Variants in IL2RB observed in about 807,000 individuals in gnomAD.
IL2RB encodes the protein interleukin 2 receptor subunit beta.
Under a neutral mutation model 44.2 loss-of-function variants are expected in IL2RB, and 17 were observed. That is an observed-to-expected ratio of 0.38 (90% CI 0.26 to 0.58). The LOEUF (loss-of-function observed/expected upper bound fraction) is 0.58. IL2RB is among the 20% of genes least tolerant of loss of function. The pLI is 0.63. For synonymous variants in IL2RB, 286 were observed against 297.9 expected, an observed-to-expected ratio of 0.96 and a Z score of 0.41; for missense variants, 624 against 685.5, an observed-to-expected ratio of 0.91 and a Z score of 1.00.
At position 37,128,695 on chromosome 22, in the gene IL2RB, G is replaced by A. The variant is rs148621370; in HGVS notation, c.1057C>T (p.His353Tyr). 1.4e-5 allele frequency: 22 copies of A among 1,614,088 alleles called. No homozygotes were observed. Among genetic ancestry groups the A allele is most frequent in the Non-Finnish European group, 1.8e-5 (21 of 1,180,018 alleles). Residue 353 changes from histidine (H) to tyrosine (Y), a missense_variant, in exon 10 of 10, where the codon CAC becomes TAC. Coordinates refer to ENST00000216223, the MANE Select transcript of IL2RB (RefSeq NM_000878.5). This position sits in a 1 kb window ranked among gnomAD's most constrained non-coding sequence, Gnocchi z 4.5. ...VPEPASLSSN[H>Y]SLTSCFTNQG... ...TTGGTGAAGCAGCTGGTCAGCGAGT[G>A]GTTGCTGCTTAAGGATGCGGGCTCA...
chr22:37,144,039 T>A (rs1922106317), intron 2 of IL2RB, 46 bp downstream of exon 2: 2 of 1,551,144 alleles, frequency 1.3e-6, no homozygotes, highest in Non-Finnish European at 1.7e-6. Flanking sequence ...GCCTTAGCCA[T>A]CTCTCCATAG....
intron 1 of IL2RB, among the ~76,000 whole-genome samples, chr22:37,172,830 C>A (rs1362868871): frequency 6.6e-6 from 1 of 152,146 alleles, no homozygotes; most frequent in Non-Finnish European, 1.5e-5. Context: ...CTCCAGCCAC[C>A]ATTGGCTGTG....
intron 2 of IL2RB, 31 bp from the exon 3 acceptor site, chr22:37,143,666 C>A: frequency 6.7e-7 from 1 of 1,500,254 alleles, no homozygotes; most frequent in Non-Finnish European, 9.3e-7. Flanking sequence ...TGAGTGCTGA[C>A]TGTAGGTGCC....
chr22:37,164,867 A>G (rs1923015229), intron 1 of IL2RB, among the ~76,000 whole-genome samples: 1 of 152,164 alleles, frequency 6.6e-6, no homozygotes, highest in Non-Finnish European at 1.5e-5. Flanking sequence ...GCCCTATTCT[A>G]AGTACACATG....
chr22:37,156,985 A>T (rs1466955192), intron 1 of IL2RB, among the ~76,000 whole-genome samples: 1 of 152,122 alleles, frequency 6.6e-6, no homozygotes, highest in Non-Finnish European at 1.5e-5. Flanking sequence ...GCTGGAAAAA[A>T]AGTCCTGCCC....
intron 3 of IL2RB, among the ~76,000 whole-genome samples, chr22:37,143,090 C>T (rs970317737): frequency 6.6e-6 from 1 of 152,180 alleles, no homozygotes; most frequent in Non-Finnish European, 1.5e-5. Flanking sequence ...CCACCAGGCA[C>T]CCAAACCACT....
rs10605445 is a variant in IL2RB at position 37,160,679 on chromosome 22, C to CAAAAAAAAAAAAAAAAAAA, written c.-34+14260_-34+14278dup. Among the ~76,000 whole-genome samples the CAAAAAAAAAAAAAAAAAAA allele has an allele frequency of 1.0e-3, 142 of 135,992 alleles. 2 individuals are homozygous for CAAAAAAAAAAAAAAAAAAA. Among genetic ancestry groups the CAAAAAAAAAAAAAAAAAAA allele is most frequent in the African/African-American group, 3.9e-3 (134 of 34,386 alleles). 89.2% of individuals were successfully genotyped at this position (135,992 alleles called of 152,430 possible). On this transcript the variant is annotated intron_variant, in intron 1 of 5. Transcript: ENST00000429622. ...CAACATGCCGAAACCCTGTCTATGC[C>CAAAAAAAAAAAAAAAAAAA]AAAAAAAAAAAAAAAAAAATTTAGC...
chr22:37,169,480 C>A (rs1923202464), intron 1 of IL2RB, among the ~76,000 whole-genome samples: 1 of 152,180 alleles, frequency 6.6e-6, no homozygotes, highest in Non-Finnish European at 1.5e-5. Context: ...CACTCTGCAT[C>A]CAGAGCATCC....
chr22:37,172,076 G>T (rs901544046), intron 1 of IL2RB, among the ~76,000 whole-genome samples: 1 of 151,918 alleles, frequency 6.6e-6, no homozygotes, highest in Admixed American at 6.5e-5. Flanking sequence ...CTCGGCTGAC[G>T]TTGTCAGGAT....
intron 8 of IL2RB, among the ~76,000 whole-genome samples, chr22:37,134,499 G>A (rs879270890): frequency 2.0e-5 from 3 of 152,158 alleles, no homozygotes; most frequent in African/African-American, 4.8e-5. Flanking sequence ...CCAGCTACTC[G>A]GGAGGATGAC....
chr22:37,155,834 C>T (rs944161769), intron 1 of IL2RB, among the ~76,000 whole-genome samples: 6 of 152,200 alleles, frequency 3.9e-5, no homozygotes, highest in African/African-American at 7.2e-5. Flanking sequence ...TGACCCTCTG[C>T]GCTGCATCTT....
At chr22:37,148,443 C>T (rs1184490117) in intron 1 of IL2RB, among the ~76,000 whole-genome samples, 1 of 152,182 alleles carries the variant, frequency 6.6e-6, no homozygotes. Context: ...GGCACACCCA[C>T]ACGTGCCCTG....
chr22:37,129,857 TGG>T (rs1443817150), intron 9 of IL2RB, among the ~76,000 whole-genome samples: 3 of 152,180 alleles, frequency 2.0e-5, no homozygotes, highest in Non-Finnish European at 4.4e-5. Flanking sequence ...CCTCAGCAGC[TGG>T]ACTATGGCCC....
At chr22:37,165,314 C>T (rs913290967) in intron 1 of IL2RB, among the ~76,000 whole-genome samples, 2 of 152,236 alleles carry the variant, frequency 1.3e-5, no homozygotes, top group Non-Finnish European at 2.9e-5. Context: ...CTGCTCTGGC[C>T]GTGTGCCTCT....
intron 9 of IL2RB, among the ~76,000 whole-genome samples, chr22:37,132,149 C>G (rs991359743): frequency 6.6e-6 from 1 of 152,164 alleles, no homozygotes; most frequent in Non-Finnish European, 1.5e-5. Flanking sequence ...CCCAGGGAGG[C>G]TCTATAGGCC....
intron 1 of IL2RB, among the ~76,000 whole-genome samples, chr22:37,160,149 T>C (rs1922808768): frequency 6.6e-6 from 1 of 152,220 alleles, no homozygotes; most frequent in Admixed American, 6.5e-5. Context: ...AGGCACACCC[T>C]TACTGATTAA....
intron 1 of IL2RB, 78 bp from the exon 2 acceptor site, chr22:37,144,283 C>A: frequency 6.8e-7 from 1 of 1,462,994 alleles, no homozygotes; most frequent in East Asian, 2.5e-5. Context: ...AGGCTGGGCC[C>A]GCCCCCTCAG....
chr22:37,154,582 T>G, upstream of IL2RB, among the ~76,000 whole-genome samples: 1 of 151,468 alleles, frequency 6.6e-6, no homozygotes, highest in East Asian at 1.9e-4. Flanking sequence ...TTTCTTTTTT[T>G]TTTTTTGTTT....
At chr22:37,147,839 C>T (rs1922297418) in intron 1 of IL2RB, among the ~76,000 whole-genome samples, 1 of 152,238 alleles carries the variant, frequency 6.6e-6, no homozygotes. Context: ...TCTTGGGATC[C>T]CCCAATAGCA....
Sources: gnomAD v4.1 joint callset for allele counts (sites outside exome capture counted in the v4.1 genomes callset) on GRCh38, gnomAD v4.1.1 for gene constraint, Gnocchi (gnomAD v3.1) non-coding constraint, MANE v1.5 for transcripts, NCBI Gene and HGNC (gene_info 2026-07-23, HGNC 2026-07-21) for gene names.